MBNL1: variants seen among roughly 807,000 people sequenced by gnomAD.
MBNL1 encodes the protein muscleblind-like protein 1.
Under a neutral mutation model 42.2 loss-of-function variants are expected in MBNL1, and 8 were observed. The observed-to-expected ratio is 0.19, with a 90% CI of 0.11 to 0.34. The LOEUF (loss-of-function observed/expected upper bound fraction) is 0.34, where lower values mean the gene tolerates loss of function less well. Among genes scored for constraint, MBNL1 ranks in the 10% least tolerant of loss-of-function variants. The probability of loss-of-function intolerance (pLI) is 1.00; values close to 1 mark genes in which losing one functional copy is unlikely to be tolerated. For synonymous variants in MBNL1, 169 were observed against 173.9 expected, an observed-to-expected ratio of 0.97 and a Z score of 0.22; for missense variants, 309 against 495.3, an observed-to-expected ratio of 0.62 and a Z score of 3.57.
intron 1 of MBNL1, among the ~76,000 whole-genome samples, chr3:152,278,363 A>T (rs1305938059): frequency 6.6e-6 from 1 of 152,150 alleles, no homozygotes; most frequent in East Asian, 1.9e-4. Context: ...ACGACGGAGG[A>T]TACAAGAAAA....
intron 2 of MBNL1, among the ~76,000 whole-genome samples, chr3:152,244,911 G>T: frequency 6.6e-6 from 1 of 151,460 alleles, no homozygotes; most frequent in African/African-American, 2.4e-5. Context: ...AAAATATATT[G>T]TATCATTTAA....
intron 2 of MBNL1, among the ~76,000 whole-genome samples, chr3:152,377,045 C>A (rs1343464412): frequency 6.6e-6 from 1 of 152,048 alleles, no homozygotes; most frequent in Non-Finnish European, 1.5e-5. Context: ...AACAAAGCCC[C>A]AAAACTGTGG....
intron 2 of MBNL1, among the ~76,000 whole-genome samples, chr3:152,367,426 A>G (rs905350524): frequency 2.6e-5 from 4 of 152,088 alleles, no homozygotes; most frequent in Admixed American, 2.0e-4. Flanking sequence ...CCAGTCTCTC[A>G]ATTGATGGGC....
intron 2 of MBNL1, among the ~76,000 whole-genome samples, chr3:152,346,364 A>G (rs2094237731): frequency 6.6e-6 from 1 of 152,150 alleles, no homozygotes; most frequent in Non-Finnish European, 1.5e-5. Flanking sequence ...ATCATCGTTT[A>G]TTTATATTCC....
At position 152,300,346 on chromosome 3, in the gene MBNL1, C is replaced by G. The variant is rs765381450; in HGVS notation, c.153C>G (p.Ile51Met). The change falls in exon 2 of 10, where the codon ATC becomes ATG. Residue 51 changes from isoleucine (I) to methionine (M), a missense_variant. Transcript: ENST00000324210. ...GCCAAGTTGAAAATGGACGAGTAAT[C>G]GCCTGCTTTGATTCATTGAAAGTGA... is the stretch of plus-strand genomic sequence containing the variant. ...KSCQVENGRV[I>M]ACFDSLKGRC... 1 of 1,613,748 alleles carries G rather than the reference C, an allele frequency of 6.2e-7. No homozygotes were observed. Among genetic ancestry groups the G allele is most frequent in the Non-Finnish European group, 8.5e-7 (1 of 1,179,750 alleles).
chr3:152,383,114 T>C (rs1381635916), intron 2 of MBNL1, among the ~76,000 whole-genome samples: 1 of 152,120 alleles, frequency 6.6e-6, no homozygotes, highest in African/African-American at 2.4e-5. Flanking sequence ...CTCCTTTCAT[T>C]ACCTACTAAA....
intron 3 of MBNL1, among the ~76,000 whole-genome samples, chr3:152,417,004 C>A (rs569074801): frequency 6.6e-6 from 1 of 152,272 alleles, no homozygotes; most frequent in East Asian, 1.9e-4. Context: ...TGGAATTACC[C>A]TTCTGCTAAA....
At chr3:152,402,191 A>C (rs946466448) in intron 2 of MBNL1, among the ~76,000 whole-genome samples, 2 of 152,124 alleles carry the variant, frequency 1.3e-5, no homozygotes, top group African/African-American at 4.8e-5. Flanking sequence ...GACCTGAGTG[A>C]TGGGAACCAG....
chr3:152,401,271 T>TGG (rs1164583335), intron 2 of MBNL1, among the ~76,000 whole-genome samples: 5 of 152,140 alleles, frequency 3.3e-5, no homozygotes, highest in Non-Finnish European at 7.4e-5. Flanking sequence ...TAATATAGCT[T>TGG]GGGAGGTGCT....
intron 1 of MBNL1, among the ~76,000 whole-genome samples, chr3:152,291,609 C>T (rs2056047055): frequency 6.6e-6 from 1 of 152,170 alleles, no homozygotes; most frequent in African/African-American, 2.4e-5. Flanking sequence ...CTGGGCCAGG[C>T]ATTGTTTTGG....
Position 152,369,776 on chromosome 3 carries a change from A to G in MBNL1, c.175-45165A>G, listed in dbSNP as rs1578858899. The stretch of plus-strand genomic sequence containing the variant: ...GTCCAGGTATTTATCCATTTCTTCT[A>G]GATTTTCTAGTGTATTTGCATAGAC... On this transcript the variant is annotated intron_variant, in intron 2 of 9. Coordinates refer to ENST00000324210, the MANE Select transcript of MBNL1 (RefSeq NM_021038.5). Among the ~76,000 whole-genome samples, 3 of 152,288 alleles carry G rather than the reference A, an allele frequency of 2.0e-5. No homozygotes were observed. The South Asian group carries it at 6.2e-4, about 32-fold the overall frequency.
chr3:152,450,188 G>C (rs1442934274), intron 6 of MBNL1, among the ~76,000 whole-genome samples: 2 of 150,518 alleles, frequency 1.3e-5, no homozygotes, highest in African/African-American at 2.5e-5. Flanking sequence ...AATCAATATA[G>C]TGTGAAATTA....
At chr3:152,286,834 A>AT (rs777487077) in intron 1 of MBNL1, among the ~76,000 whole-genome samples, 10 of 152,026 alleles carry the variant, frequency 6.6e-5, no homozygotes, top group East Asian at 1.9e-4. Flanking sequence ...GTTGTGAGGG[A>AT]TTTTTTTACC....
chr3:152,325,906 A>G (rs532004691), intron 2 of MBNL1, among the ~76,000 whole-genome samples: 26 of 151,928 alleles, frequency 1.7e-4, no homozygotes, highest in Non-Finnish European at 3.4e-4. Context: ...CCCCCTCCAT[A>G]TATCTATCAG....
chr3:152,283,604 C>A (rs1161657560), intron 1 of MBNL1, among the ~76,000 whole-genome samples: 1 of 152,202 alleles, frequency 6.6e-6, no homozygotes, highest in Non-Finnish European at 1.5e-5. Flanking sequence ...ACTGACTCTG[C>A]CCTTGGGTGA....
intron 8 of MBNL1, among the ~76,000 whole-genome samples, chr3:152,456,936 C>T (rs527773577): frequency 6.6e-6 from 1 of 152,136 alleles, no homozygotes; most frequent in East Asian, 1.9e-4. Context: ...AAAGAAAAAT[C>T]CTAAGCGCTC....
chr3:152,458,132 C>G, intron 8 of MBNL1: 11 of 1,613,784 alleles, frequency 6.8e-6, no homozygotes, highest in Non-Finnish European at 9.3e-6. Context: ...TTCGACAGCC[C>G]CATCCTTGAT....
At chr3:152,401,614 A>C (rs2098222625) in intron 2 of MBNL1, among the ~76,000 whole-genome samples, 1 of 152,162 alleles carries the variant, frequency 6.6e-6, no homozygotes, top group African/African-American at 2.4e-5. Flanking sequence ...TCATGTAGCT[A>C]GCGGGTGAGA....
At chr3:152,337,958 TTTC>T (rs1357584828) in intron 2 of MBNL1, 1 of 353,840 alleles carries the variant, frequency 2.8e-6, no homozygotes, top group East Asian at 1.7e-4. Context: ...TGCCTTTTAA[TTTC>T]TGCTGCCTTG....
Sources: gnomAD v4.1 joint callset for allele counts (sites outside exome capture counted in the v4.1 genomes callset) on GRCh38, gnomAD v4.1.1 for gene constraint, MANE v1.5 for transcripts, NCBI Gene and HGNC (gene_info 2026-07-23, HGNC 2026-07-21) for gene names.